DLG2: variants seen among roughly 807,000 people sequenced by gnomAD.
DLG2 encodes disks large homolog 2.
A neutral mutation model predicts 132.5 loss-of-function variants in DLG2; 45 were observed. That is an observed-to-expected ratio of 0.34 (90% CI 0.27 to 0.44). The LOEUF is 0.44. Among genes scored for constraint, DLG2 ranks in the 20% least tolerant of loss-of-function variants. DLG2 has a pLI of 1.00. For synonymous variants in DLG2, 424 were observed against 419.6 expected, an observed-to-expected ratio of 1.01 and a Z score of -0.13; for missense variants, 1,045 against 1,196.9, an observed-to-expected ratio of 0.87 and a Z score of 1.87.
chr11:85,144,929 A>C (rs186011622), intron 5 of DLG2, among the ~76,000 whole-genome samples: 92 of 152,136 alleles, frequency 6.0e-4, no homozygotes, highest in African/African-American at 2.2e-3. Context: ...TTGTACCTTC[A>C]GATTTCTTAT....
At chr11:85,095,991 TGCACCAATCAGCACTCTGTAAAATA>T (rs1046539164) in intron 6 of DLG2, among the ~76,000 whole-genome samples, 12 of 152,186 alleles carry the variant, frequency 7.9e-5, no homozygotes, top group African/African-American at 2.4e-4. Context: ...GGATTGTAAA[TGCACCAATCAGCACTCTGTAAAATA>T]GCACCAATCA....
At chr11:84,277,938 A>T (rs1387107608) in intron 7 of DLG2, among the ~76,000 whole-genome samples, 3 of 151,942 alleles carry the variant, frequency 2.0e-5, no homozygotes, top group African/African-American at 2.4e-5. Flanking sequence ...ATTTATTCTT[A>T]TAGACAGTCT....
chr11:83,724,336 C>T (rs951685532), intron 18 of DLG2, among the ~76,000 whole-genome samples: 3 of 152,184 alleles, frequency 2.0e-5, no homozygotes, highest in Admixed American at 6.5e-5. Flanking sequence ...TCTCTGGTTT[C>T]TGTTTGAACA....
At chr11:84,784,143 CAAAAAAAAA>C (rs59301159) in intron 6 of DLG2, among the ~76,000 whole-genome samples, 2 of 8,656 alleles carry the variant, frequency 2.3e-4, no homozygotes, top group Non-Finnish European at 1.9e-4. Context: ...ACTAAAAATG[CAAAAAAAAA>C]AAAAAAAAAA....
At position 84,313,389 on chromosome 11, in the gene DLG2, C is replaced by T. The variant is rs112796955; in HGVS notation, c.520-62098G>A. ...CTCTGCCTCCCAAGTGCTGGGATTA[C>T]AGGCGTGAGTCACCACACTCAGCCT... On this transcript the variant is annotated intron_variant, in intron 7 of 27. Coordinates refer to ENST00000376104, the MANE Select transcript of DLG2 (RefSeq NM_001142699.3). Among the ~76,000 whole-genome samples, 151 of 152,144 alleles carry T rather than the reference C, an allele frequency of 9.9e-4. 2 individuals are homozygous for T. Among genetic ancestry groups the T allele is most frequent in the African/African-American group, 3.6e-3 (149 of 41,504 alleles).
intron 17 of DLG2, among the ~76,000 whole-genome samples, chr11:83,815,596 C>T (rs752804605): frequency 2.6e-5 from 4 of 152,122 alleles, no homozygotes; most frequent in Non-Finnish European, 5.9e-5. Context: ...TGCAGCCCAC[C>T]TTGGGGATAC....
intron 7 of DLG2, among the ~76,000 whole-genome samples, chr11:84,292,068 T>A (rs1284234128): frequency 6.6e-6 from 1 of 151,744 alleles, no homozygotes; most frequent in Non-Finnish European, 1.5e-5. Flanking sequence ...GACTATAGAG[T>A]GTGATGAAAA....
intron 3 of DLG2, among the ~76,000 whole-genome samples, chr11:85,571,632 T>A (rs141035389): frequency 6.6e-6 from 1 of 152,234 alleles, no homozygotes; most frequent in Admixed American, 6.5e-5. Context: ...TCCATACACA[T>A]GCATTTGGTC....
At chr11:83,567,756 G>C (rs1261289475) in intron 19 of DLG2, among the ~76,000 whole-genome samples, 3 of 152,146 alleles carry the variant, frequency 2.0e-5, no homozygotes, top group Non-Finnish European at 4.4e-5. Context: ...GCTGCATGCA[G>C]AGTGAGTTGC....
chr11:85,422,595 A>G (rs1360943224), intron 3 of DLG2, among the ~76,000 whole-genome samples: 1 of 151,392 alleles, frequency 6.6e-6, no homozygotes, highest in Admixed American at 6.6e-5. Context: ...TTTTGAGATG[A>G]TTCTCTTGCC....
At position 84,627,813 on chromosome 11, in the gene DLG2, A is replaced by G. The variant is rs1457384336; in HGVS notation, c.358-93082T>C. On this transcript the variant is annotated intron_variant, in intron 6 of 27. Transcript: ENST00000376104. Reference sequence around the variant, plus strand: ...GCAGGTACTTCACATGGTGAAAATAACAGCAAGAGAAAGCGGTGGGAGGAG... The same window carrying G: ...GCAGGTACTTCACATGGTGAAAATAGCAGCAAGAGAAAGCGGTGGGAGGAG... 1.3e-5 allele frequency among the ~76,000 whole-genome samples: 2 copies of G among 152,160 alleles called. 1 individual carries two copies. Among genetic ancestry groups the G allele is most frequent in the Non-Finnish European group, 2.9e-5 (2 of 68,028 alleles).
At chr11:84,133,191 G>C (rs2094480309) in intron 9 of DLG2, among the ~76,000 whole-genome samples, 1 of 151,958 alleles carries the variant, frequency 6.6e-6, no homozygotes, top group African/African-American at 2.4e-5. Flanking sequence ...AATAATATGA[G>C]GCCACAAGAA....
At position 84,742,373 on chromosome 11, in the gene DLG2, C is replaced by G. The variant is rs114900050; in HGVS notation, c.358-207642G>C. ...AGTCTAATTGTCAAAAGTTTAAAGA[C>G]AAAGGAAGAATTTCAAAAACAGCAA... On this transcript the variant is annotated intron_variant, in intron 6 of 27. Coordinates refer to ENST00000376104, the MANE Select transcript of DLG2 (RefSeq NM_001142699.3). 1.7e-3 allele frequency among the ~76,000 whole-genome samples: 262 copies of G among 152,160 alleles called. 1 individual carries two copies. Among genetic ancestry groups the G allele is most frequent in the African/African-American group, 5.9e-3 (243 of 41,506 alleles).
intron 6 of DLG2, among the ~76,000 whole-genome samples, chr11:84,764,514 C>T (rs553488278): frequency 1.3e-4 from 20 of 152,156 alleles, no homozygotes; most frequent in African/African-American, 4.8e-4. Context: ...CTAATTGAAT[C>T]CTCACAACAG....
chr11:83,577,311 T>C (rs35734934), intron 19 of DLG2, among the ~76,000 whole-genome samples: 32,825 of 150,038 alleles, frequency 0.22, 3,735 homozygotes, highest in Non-Finnish European at 0.23. Flanking sequence ...ATAGAATATA[T>C]ATATATCTTA....
At chr11:85,161,273 C>T (rs2078009218) in intron 4 of DLG2, among the ~76,000 whole-genome samples, 1 of 152,184 alleles carries the variant, frequency 6.6e-6, no homozygotes, top group Non-Finnish European at 1.5e-5. Flanking sequence ...CCAGTGGGCC[C>T]ATGAACAAAG....
chr11:84,473,211 A>AG (rs1191813368), intron 7 of DLG2, among the ~76,000 whole-genome samples: 1 of 151,952 alleles, frequency 6.6e-6, no homozygotes, highest in East Asian at 1.9e-4. Flanking sequence ...CATTCAATGA[A>AG]GGGGGGGTTT....
At chr11:85,559,818 T>TAGATA (rs2077133551) in intron 3 of DLG2, among the ~76,000 whole-genome samples, 6 of 144,444 alleles carry the variant, frequency 4.2e-5, no homozygotes, top group South Asian at 4.3e-4. Context: ...GTTAGATGAT[T>TAGATA]GATAGATAGA....
chr11:83,868,409 A>C (rs895723068), intron 16 of DLG2, among the ~76,000 whole-genome samples: 40 of 152,290 alleles, frequency 2.6e-4, no homozygotes, highest in Non-Finnish European at 5.0e-4. Flanking sequence ...TAAAAATCAA[A>C]TGGGTGCTCA....
Sources: gnomAD v4.1 joint callset for allele counts (sites outside exome capture counted in the v4.1 genomes callset) on GRCh38, gnomAD v4.1.1 for gene constraint, MANE v1.5 for transcripts, NCBI Gene and HGNC (gene_info 2026-07-23, HGNC 2026-07-21) for gene names.